SEC24B: variants seen among roughly 807,000 people sequenced by gnomAD.
The protein encoded by SEC24B is SEC24 homolog B, COPII component, also known as protein transport protein Sec24B.
SEC24B carries 45 observed loss-of-function variants against 142.8 expected under a neutral mutation model. That is an observed-to-expected ratio of 0.32 (90% CI 0.25 to 0.40). The LOEUF is 0.40. Among genes scored for constraint, SEC24B ranks in the 10% least tolerant of loss-of-function variants. The pLI, the probability that SEC24B is intolerant of heterozygous loss-of-function variation, is 1.00. For missense variants in SEC24B, 1,409 were observed against 1,526.8 expected (o/e 0.92, Z 1.29); for synonymous variants, 574 against 568.2 (o/e 1.01, Z -0.15).
chr4:109,435,713 A>T (rs1470025434), intron 1 of SEC24B, among the ~76,000 whole-genome samples: 1 of 152,192 alleles, frequency 6.6e-6, no homozygotes, highest in East Asian at 1.9e-4. Context: ...TATAATCACT[A>T]CTTTCCTTTA....
intron 14 of SEC24B, among the ~76,000 whole-genome samples, chr4:109,522,571 T>C (rs1019197130): frequency 6.6e-6 from 1 of 152,266 alleles, no homozygotes; most frequent in Non-Finnish European, 1.5e-5. Context: ...TGGTAAAACT[T>C]ACTAAATGTA....
At chr4:109,468,673 A>G (rs1732208234) in intron 2 of SEC24B, among the ~76,000 whole-genome samples, 1 of 152,190 alleles carries the variant, frequency 6.6e-6, no homozygotes, top group African/African-American at 2.4e-5. Context: ...ACAATTATCT[A>G]GGTGAAGGAT....
chr4:109,486,343 A>G (rs1275133167), intron 4 of SEC24B, among the ~76,000 whole-genome samples: 3 of 152,204 alleles, frequency 2.0e-5, no homozygotes, highest in Admixed American at 6.5e-5. Context: ...TTTCAAGTTT[A>G]GCAATACTAG....
At chr4:109,529,296 C>T (rs953545030) in intron 18 of SEC24B, among the ~76,000 whole-genome samples, 2 of 151,906 alleles carry the variant, frequency 1.3e-5, no homozygotes, top group African/African-American at 2.4e-5. Flanking sequence ...TATGCACGTT[C>T]GTTATGATGG....
chr4:109,530,282 T>C lies in SEC24B; in HGVS notation c.3077-7T>C. 6.2e-7 allele frequency: 1 copy of C among 1,608,392 alleles called. No homozygotes were observed. Among genetic ancestry groups the C allele is most frequent in the Non-Finnish European group, 8.5e-7 (1 of 1,176,244 alleles). On this transcript the variant is annotated splice_polypyrimidine_tract_variant and splice_region_variant and intron_variant, in intron 18 of 23. Transcript: ENST00000265175. ...TTAAAATACCTTTCACTTTGGTTGC[T>C]TTTTAGCTGTGGATCGGTCCGTTTC... is the stretch of plus-strand genomic sequence containing the variant.
chr4:109,455,102 G>T (rs1730526898), intron 1 of SEC24B, among the ~76,000 whole-genome samples: 1 of 152,136 alleles, frequency 6.6e-6, no homozygotes, highest in African/African-American at 2.4e-5. Flanking sequence ...CTGTTAATCT[G>T]CCTTTTGCAA....
At chr4:109,456,484 G>A (rs182092872) in intron 1 of SEC24B, among the ~76,000 whole-genome samples, 26 of 152,094 alleles carry the variant, frequency 1.7e-4, no homozygotes, top group African/African-American at 4.3e-4. Flanking sequence ...ATGTTAGGAC[G>A]AAAGCAGTCT....
At chr4:109,487,022 G>A (rs149040602) in intron 4 of SEC24B, among the ~76,000 whole-genome samples, 131 of 151,924 alleles carry the variant, frequency 8.6e-4, no homozygotes, top group African/African-American at 3.1e-3. Flanking sequence ...AAGATTAGCC[G>A]GCCGTGGTGG....
At position 109,460,816 on chromosome 4, in the gene SEC24B, T is replaced by C. The variant is rs528199969; in HGVS notation, c.134-2085T>C. ...ATTAGGATTAATGTTTTGTTGGTAT[T>C]AATAAAATAAATATATGCTATACTT... is the stretch of plus-strand genomic sequence containing the variant. On this transcript the variant is annotated intron_variant, in intron 1 of 23. Transcript: ENST00000265175. 2.0e-5 allele frequency among the ~76,000 whole-genome samples: 3 copies of C among 151,376 alleles called. No individual in the cohort carries two copies. In the South Asian group the frequency reaches 6.2e-4, roughly 31 times the overall value.
intron 12 of SEC24B, among the ~76,000 whole-genome samples, chr4:109,520,727 TG>T (rs1723514524): frequency 6.6e-6 from 1 of 152,220 alleles, no homozygotes; most frequent in Non-Finnish European, 1.5e-5. Flanking sequence ...GCGCAGTGGC[TG>T]AAGCCTGTAA....
At chr4:109,465,832 C>T (rs527548359) in intron 2 of SEC24B, among the ~76,000 whole-genome samples, 1 of 152,270 alleles carries the variant, frequency 6.6e-6, no homozygotes, top group Non-Finnish European at 1.5e-5. Context: ...AGTAACTGCT[C>T]TAATGGGTCC....
chr4:109,433,876 G>A lies in SEC24B; in HGVS notation c.7G>A (p.Ala3Thr). 2.2e-6 allele frequency: 3 copies of A among 1,334,740 alleles called. No individual in the cohort carries two copies. The highest frequency in any genetic ancestry group is 1.8e-5 in the South Asian group (1 of 55,220). 82.7% of individuals were successfully genotyped at this position (1,334,740 alleles called of 1,614,324 possible). MS[A>T]PAGSSHPAAS... ...CGTCGCCACCAGCGCCGTCATGTCG[G>A]CCCCCGCCGGGTCCTCTCACCCGGC... Residue 3 changes from alanine to threonine, a missense_variant, in exon 1 of 24, where the codon GCC becomes ACC. Ala to Thr is a moderately conservative substitution (Grantham distance 58). Coordinates refer to ENST00000265175, the MANE Select transcript of SEC24B (RefSeq NM_006323.5).
At chr4:109,458,833 A>T (rs1354087269) in intron 1 of SEC24B, among the ~76,000 whole-genome samples, 2 of 147,010 alleles carry the variant, frequency 1.4e-5, no homozygotes, top group Admixed American at 6.8e-5. Context: ...CACTTTCTGT[A>T]TTTTTTTTTT....
At chr4:109,436,024 TC>T (rs1240010253) in intron 1 of SEC24B, among the ~76,000 whole-genome samples, 2 of 152,084 alleles carry the variant, frequency 1.3e-5, no homozygotes, top group Non-Finnish European at 2.9e-5. Flanking sequence ...AGCCAAGGCA[TC>T]GAAGCCGAAA....
At chr4:109,509,372 T>C (rs1191281085) in intron 7 of SEC24B, among the ~76,000 whole-genome samples, 1 of 152,162 alleles carries the variant, frequency 6.6e-6, no homozygotes, top group African/African-American at 2.4e-5. Context: ...TTATTGACTT[T>C]AAAACTTCAT....
chr4:109,442,667 T>C (rs561814396), intron 1 of SEC24B, among the ~76,000 whole-genome samples: 16 of 152,308 alleles, frequency 1.1e-4, no homozygotes, highest in African/African-American at 3.8e-4. Flanking sequence ...ATTTTTAATA[T>C]TAAAATGTGT....
At chr4:109,523,376 A>G (rs1232095461) in intron 14 of SEC24B, among the ~76,000 whole-genome samples, 1 of 152,122 alleles carries the variant, frequency 6.6e-6, no homozygotes, top group Non-Finnish European at 1.5e-5. Context: ...TGGCTGAGGC[A>G]GGAGAATCAC....
chr4:109,442,719 G>A (rs918940094), intron 1 of SEC24B, among the ~76,000 whole-genome samples: 3 of 152,224 alleles, frequency 2.0e-5, no homozygotes, highest in Admixed American at 6.5e-5. Flanking sequence ...GAAATCTCAG[G>A]AGTAGTCAAA....
chr4:109,449,487 C>T (rs1279323436), intron 1 of SEC24B: 2 of 455,262 alleles, frequency 4.4e-6, no homozygotes, highest in South Asian at 1.6e-5. Flanking sequence ...CCGCCTCGGC[C>T]TCCCAAATTG....
Sources: allele counts gnomAD v4.1 joint callset (sites outside exome capture counted in the v4.1 genomes callset), GRCh38; gene constraint gnomAD v4.1.1; transcripts MANE v1.5; gene names NCBI Gene and HGNC (gene_info 2026-07-23, HGNC 2026-07-21).